RFC1: variants seen among roughly 807,000 people sequenced by gnomAD.
RFC1 encodes A1 140 kDa subunit.
A neutral mutation model predicts 137.4 loss-of-function variants in RFC1; 37 were observed. The observed-to-expected ratio is 0.27, with a 90% CI of 0.21 to 0.35. RFC1 has a LOEUF of 0.35. RFC1 is among the 10% of genes least tolerant of loss of function. The pLI is 1.00. For synonymous variants in RFC1, 429 were observed against 455.7 expected, an observed-to-expected ratio of 0.94 and a Z score of 0.75; for missense variants, 1,205 against 1,358.5, an observed-to-expected ratio of 0.89 and a Z score of 1.78.
At chr4:39,332,244 A>G (rs1740137892) in intron 4 of RFC1, among the ~76,000 whole-genome samples, 1 of 152,184 alleles carries the variant, frequency 6.6e-6, no homozygotes, top group Non-Finnish European at 1.5e-5. Flanking sequence ...CAACAAATTG[A>G]ATACATCCTA....
At chr4:39,338,902 C>T (rs1324130099) in intron 4 of RFC1, among the ~76,000 whole-genome samples, 2 of 152,160 alleles carry the variant, frequency 1.3e-5, no homozygotes, top group African/African-American at 2.4e-5. Flanking sequence ...AACCTCTAAT[C>T]AATATCTCCC....
chr4:39,336,338 C>T (rs1425034828), intron 4 of RFC1, among the ~76,000 whole-genome samples: 1 of 152,032 alleles, frequency 6.6e-6, no homozygotes, highest in Non-Finnish European at 1.5e-5. Flanking sequence ...CACCACAGAA[C>T]TACAGAAGAC....
intron 12 of RFC1, 136 bp downstream of exon 12, chr4:39,311,309 G>A (rs1325498594): frequency 7.7e-6 from 5 of 652,480 alleles, no homozygotes; most frequent in African/African-American, 7.3e-5. Context: ...AGCTCAAAAG[G>A]AACTAAGGTG....
At chr4:39,349,757 C>G (rs903732132) in intron 2 of RFC1, among the ~76,000 whole-genome samples, 3 of 152,196 alleles carry the variant, frequency 2.0e-5, no homozygotes. Context: ...GTAATCCCAG[C>G]ACTTCAGGAG....
intron 11 of RFC1, among the ~76,000 whole-genome samples, chr4:39,312,021 C>T (rs575605422): frequency 6.6e-5 from 10 of 152,334 alleles, no homozygotes; most frequent in Non-Finnish European, 1.5e-4. Flanking sequence ...TCCCATACAG[C>T]TCTGAGTGGC....
chr4:39,365,170 A>C (rs1240153515), intron 1 of RFC1, among the ~76,000 whole-genome samples: 1 of 151,098 alleles, frequency 6.6e-6, no homozygotes. Context: ...AAAAAAAAAA[A>C]AAAAAACCAT....
At chr4:39,314,467 CT>C (rs1739133288) in intron 10 of RFC1, among the ~76,000 whole-genome samples, 1 of 152,104 alleles carries the variant, frequency 6.6e-6, no homozygotes, top group Non-Finnish European at 1.5e-5. Context: ...TAGAATTTGG[CT>C]AAGCTCTTAC....
intron 1 of RFC1, among the ~76,000 whole-genome samples, chr4:39,356,571 T>C (rs1741492134): frequency 6.6e-6 from 1 of 152,216 alleles, no homozygotes; most frequent in Non-Finnish European, 1.5e-5. Context: ...CTTTGTGCTA[T>C]GACTTTACCT....
At chr4:39,355,202 C>A (rs1361371422) in intron 1 of RFC1, among the ~76,000 whole-genome samples, 1 of 148,210 alleles carries the variant, frequency 6.7e-6, no homozygotes, top group African/African-American at 2.5e-5. Flanking sequence ...GCGGGAGGAT[C>A]ATTTGAGCCC....
chr4:39,298,348 A>C (rs1001224607), intron 21 of RFC1, among the ~76,000 whole-genome samples: 3 of 151,580 alleles, frequency 2.0e-5, no homozygotes, highest in African/African-American at 7.3e-5. Flanking sequence ...GTATCTCCAG[A>C]ATGAAATTTT....
chr4:39,335,568 C>G (rs1408350762), intron 4 of RFC1, among the ~76,000 whole-genome samples: 1 of 152,142 alleles, frequency 6.6e-6, no homozygotes, highest in East Asian at 1.9e-4. Flanking sequence ...GAAAAAAGTA[C>G]TGGCTTGAAA....
At chr4:39,359,059 T>C (rs1741620508) in intron 1 of RFC1, among the ~76,000 whole-genome samples, 1 of 152,142 alleles carries the variant, frequency 6.6e-6, no homozygotes, top group Non-Finnish European at 1.5e-5. Context: ...TTCTCTCCCT[T>C]TATTCCCCAT....
intron 1 of RFC1, among the ~76,000 whole-genome samples, chr4:39,352,998 T>C (rs1741281557): frequency 6.6e-6 from 1 of 150,772 alleles, no homozygotes; most frequent in African/African-American, 2.4e-5. Context: ...TGTCATACTC[T>C]TACAATGTCA....
intron 8 of RFC1, 117 bp from the exon 9 acceptor site, chr4:39,320,786 G>T: frequency 1.1e-6 from 1 of 889,476 alleles, no homozygotes; most frequent in Non-Finnish European, 1.6e-6. Context: ...AAGGCCCAAA[G>T]TCCTAAAGTG....
rs17335153 is a variant in RFC1, at chr4:39,310,454, G to A, written c.1488+991C>T. 1.9e-3 allele frequency among the ~76,000 whole-genome samples: 287 copies of A among 152,282 alleles called. 1 individual carries two copies. Among genetic ancestry groups the A allele is most frequent in the African/African-American group, 6.3e-3 (261 of 41,570 alleles). On this transcript the variant is annotated intron_variant, in intron 12 of 24. Transcript: ENST00000349703. ...AATCATTCCCTAGATTTCTCTAACC[G>A]GAATAACCTGGATGGACCATCTTGC...
At chr4:39,299,254 G>T (rs567559571) in intron 21 of RFC1, among the ~76,000 whole-genome samples, 75 of 152,226 alleles carry the variant, frequency 4.9e-4, no homozygotes, top group African/African-American at 1.6e-3. Context: ...CAATGCTAAT[G>T]ACTGGCTTGC....
intron 21 of RFC1, among the ~76,000 whole-genome samples, chr4:39,296,185 AG>A (rs747963758): frequency 5.3e-5 from 8 of 152,110 alleles, no homozygotes; most frequent in Non-Finnish European, 1.0e-4. Flanking sequence ...ATTTGAGAAA[AG>A]TTTTTTAAAA....
In RFC1 at chr4:39,321,535, G is replaced by A. The variant is rs189583991; in HGVS notation, c.721-161C>T. The A allele has an allele frequency of 1.4e-5, 8 of 586,512 alleles. No individual in the cohort carries two copies. The African/African-American group carries it at 1.5e-4, about 11-fold the overall frequency. The allele number at this position is 586,512 out of a possible 1,614,324, so 36.3% of individuals were successfully genotyped here. On this transcript the variant is annotated intron_variant, in intron 7 of 24. Transcript: ENST00000349703. Reference sequence around the variant, plus strand: ...CATCCACAAAATTTCCAAGGCAAATGAGGCATATTTTATTACTTCATGTTA... The same window carrying A: ...CATCCACAAAATTTCCAAGGCAAATAAGGCATATTTTATTACTTCATGTTA...
At chr4:39,331,722 G>A (rs1025724789) in intron 4 of RFC1, among the ~76,000 whole-genome samples, 4 of 152,124 alleles carry the variant, frequency 2.6e-5, no homozygotes, top group African/African-American at 4.8e-5. Flanking sequence ...TGACATAACA[G>A]TATGTTTAAT....
Sources: allele counts gnomAD v4.1 joint callset (sites outside exome capture counted in the v4.1 genomes callset), GRCh38; gene constraint gnomAD v4.1.1; transcripts MANE v1.5; gene names NCBI Gene and HGNC (gene_info 2026-07-23, HGNC 2026-07-21).